Variants in WDFY2 observed in about 807,000 individuals in gnomAD.
The protein encoded by WDFY2 is WD repeat and FYVE domain-containing protein 2.
WDFY2 carries 36 observed loss-of-function variants against 56.4 expected under a neutral mutation model. The ratio of observed to expected loss-of-function variants is 0.64; its 90% confidence interval spans 0.49 to 0.84. The LOEUF is 0.84. Among genes scored for constraint, WDFY2 ranks in the 40% least tolerant of loss-of-function variants. The probability of loss-of-function intolerance (pLI) is 0.00; values close to 1 mark genes in which losing one functional copy is unlikely to be tolerated. For missense variants in WDFY2, 444 were observed against 512.2 expected (o/e 0.87, Z 1.29); for synonymous variants, 176 against 183.7 (o/e 0.96, Z 0.34).
In WDFY2 at chr13:51,751,325, C is replaced by T. The variant is rs1953230737; in HGVS notation, c.741C>T (p.Ala247=). 1.9e-6 allele frequency: 3 copies of T among 1,613,584 alleles called. No homozygotes were observed. Among genetic ancestry groups the T allele is most frequent in the Non-Finnish European group, 1.7e-6 (2 of 1,179,806 alleles). Residue 247 remains alanine (A), a synonymous_variant, in exon 8 of 12, where the codon GCC becomes GCT. Transcript: ENST00000298125. ...TCTTTCACAGCGACAGAGTCCAGGCCCTCTCCTATGCACAGCACACGCGAC... is the reference window on the plus strand; with the variant it reads ...TCTTTCACAGCGACAGAGTCCAGGCTCTCTCCTATGCACAGCACACGCGAC... ...ELQGHNDRVQ[A]LSYAQHTRQL...
At chr13:51,680,211 C>T (rs997301205) in intron 3 of WDFY2, among the ~76,000 whole-genome samples, 2 of 152,216 alleles carry the variant, frequency 1.3e-5, no homozygotes, top group Non-Finnish European at 2.9e-5. Context: ...AAGTGATCCG[C>T]CTGCCTCTCA....
At chr13:51,717,520 C>T (rs1250773640) in intron 4 of WDFY2, among the ~76,000 whole-genome samples, 2 of 151,610 alleles carry the variant, frequency 1.3e-5, no homozygotes, top group African/African-American at 4.9e-5. Context: ...CCCTTGGGCT[C>T]GAATATGGTA....
intron 4 of WDFY2, among the ~76,000 whole-genome samples, chr13:51,705,958 G>T (rs1299944520): frequency 6.6e-6 from 1 of 151,962 alleles, no homozygotes; most frequent in Non-Finnish European, 1.5e-5. Flanking sequence ...CTAATTTTGT[G>T]TTTTTCTTAA....
At position 51,762,500 on chromosome 13, in the gene WDFY2, G is replaced by A. The variant is rs1953616657; in HGVS notation, c.*2731G>A. The A allele has an allele frequency of 6.6e-6, 1 of 152,208 alleles. No homozygotes were observed. The highest frequency in any genetic ancestry group is 2.1e-4 in the South Asian group (1 of 4,828). The allele number at this position is 152,208 out of a possible 1,614,324, so 9.4% of individuals were successfully genotyped here. On this transcript the variant is annotated 3_prime_UTR_variant, in exon 12 of 12. Coordinates refer to ENST00000298125, the MANE Select transcript of WDFY2 (RefSeq NM_052950.4). ...TGGGTGCTTGAATTTGGTGAAATGCGTTTAGCAAACCAACTGTGTGTTTGT... is the reference window on the plus strand; with the variant it reads ...TGGGTGCTTGAATTTGGTGAAATGCATTTAGCAAACCAACTGTGTGTTTGT...
At chr13:51,694,828 G>A (rs1318014383) in intron 3 of WDFY2, among the ~76,000 whole-genome samples, 4 of 152,056 alleles carry the variant, frequency 2.6e-5, no homozygotes, top group Non-Finnish European at 2.9e-5. Flanking sequence ...CCAATCAGAC[G>A]TAGATTTGGT....
chr13:51,593,488 G>A (rs1954089150), intron 1 of WDFY2, among the ~76,000 whole-genome samples: 1 of 152,026 alleles, frequency 6.6e-6, no homozygotes. Flanking sequence ...AAAGGTTTAT[G>A]CCACTTTAAA....
In WDFY2 at chr13:51,766,777, A is replaced by ATCTC. The variant is rs1339185685; in HGVS notation, c.*7010_*7013dup. On this transcript the variant is annotated 3_prime_UTR_variant, in exon 12 of 12. Transcript: ENST00000298125. ...GAGTTGCCGCCACGGTTTAAAATAA[A>ATCTC]TCTCTGTGAAAACCTTTCTGCAGCT... 1 of 152,260 alleles carries ATCTC rather than the reference A, an allele frequency of 6.6e-6. No individual in the cohort carries two copies. The highest frequency in any genetic ancestry group is 1.5e-5 in the Non-Finnish European group (1 of 68,060). 9.4% of individuals were successfully genotyped at this position (152,260 alleles called of 1,614,324 possible).
At chr13:51,738,162 T>C (rs560128694) in intron 6 of WDFY2, among the ~76,000 whole-genome samples, 1 of 152,362 alleles carries the variant, frequency 6.6e-6, no homozygotes, top group African/African-American at 2.4e-5. Context: ...CAGAATATAA[T>C]ATTTTTAATA....
At chr13:51,612,454 G>A (rs978072726) in intron 1 of WDFY2, among the ~76,000 whole-genome samples, 3 of 152,254 alleles carry the variant, frequency 2.0e-5, no homozygotes, top group Middle Eastern at 3.4e-3. Flanking sequence ...CTTTCAAATT[G>A]TGTTTCAAAT....
Position 51,767,077 on chromosome 13 carries a change from A to G in WDFY2, c.*7308A>G, listed in dbSNP as rs1953773302. The G allele has an allele frequency of 6.6e-6, 1 of 152,278 alleles. No homozygotes were observed. The highest frequency in any genetic ancestry group is 1.5e-5 in the Non-Finnish European group (1 of 68,058). 9.4% of individuals were successfully genotyped at this position (152,278 alleles called of 1,614,324 possible). ...TAGTAAACTTTTCCAGTGAGGAGAA[A>G]TGACTTCGGGGCAAACACTGCCAGG... On this transcript the variant is annotated 3_prime_UTR_variant, in exon 12 of 12. Transcript: ENST00000298125.
chr13:51,754,571 C>T (rs1472913153), intron 8 of WDFY2, among the ~76,000 whole-genome samples: 1 of 152,194 alleles, frequency 6.6e-6, no homozygotes, highest in Non-Finnish European at 1.5e-5. Flanking sequence ...TATTTGCATT[C>T]TCTGCTTAAC....
At chr13:51,701,304 C>T (rs967788719) in intron 3 of WDFY2, among the ~76,000 whole-genome samples, 4 of 151,872 alleles carry the variant, frequency 2.6e-5, no homozygotes, top group Admixed American at 1.3e-4. Context: ...AGGCGGATCA[C>T]GAGGTCAGGA....
intron 1 of WDFY2, among the ~76,000 whole-genome samples, chr13:51,624,513 T>C (rs1042773712): frequency 6.6e-6 from 1 of 152,222 alleles, no homozygotes; most frequent in African/African-American, 2.4e-5. Flanking sequence ...GGCACTATTC[T>C]AGGCATGGGC....
chr13:51,613,762 G>A (rs901288284), intron 1 of WDFY2, among the ~76,000 whole-genome samples: 1 of 152,042 alleles, frequency 6.6e-6, no homozygotes, highest in Non-Finnish European at 1.5e-5. Flanking sequence ...GCTGATAAGG[G>A]TAATTTAACA....
chr13:51,648,901 C>CT (rs1434509420), intron 1 of WDFY2, among the ~76,000 whole-genome samples: 1 of 152,168 alleles, frequency 6.6e-6, no homozygotes, highest in Non-Finnish European at 1.5e-5. Flanking sequence ...AATCTCAGCA[C>CT]TTTGGGAGGC....
At chr13:51,655,553 A>G (rs1429466337) in intron 1 of WDFY2, among the ~76,000 whole-genome samples, 2 of 151,994 alleles carry the variant, frequency 1.3e-5, no homozygotes, top group Non-Finnish European at 2.9e-5. Context: ...CAGTCATGGT[A>G]TATAATCGTT....
chr13:51,605,778 T>G (rs1954375226), intron 1 of WDFY2, among the ~76,000 whole-genome samples: 1 of 152,214 alleles, frequency 6.6e-6, no homozygotes, highest in Non-Finnish European at 1.5e-5. Context: ...TTGGTGCATC[T>G]GAGAGAGCAT....
chr13:51,730,998 C>G (rs1952710902), intron 6 of WDFY2, among the ~76,000 whole-genome samples: 1 of 152,094 alleles, frequency 6.6e-6, no homozygotes, highest in African/African-American at 2.4e-5. Context: ...AGAAGGTAAC[C>G]TGATTGGATT....
intron 4 of WDFY2, among the ~76,000 whole-genome samples, chr13:51,710,935 CTACTT>C (rs549871095): frequency 0.011 from 1,618 of 152,270 alleles, 26 homozygotes; most frequent in African/African-American, 0.036. Context: ...TTGGAAAAAA[CTACTT>C]TAAAGTTCAT....
Sources: gnomAD v4.1 joint callset for allele counts (sites outside exome capture counted in the v4.1 genomes callset) on GRCh38, gnomAD v4.1.1 for gene constraint, MANE v1.5 for transcripts, NCBI Gene and HGNC (gene_info 2026-07-23, HGNC 2026-07-21) for gene names.